TOX: variants seen among roughly 807,000 people sequenced by gnomAD.
TOX encodes thymocyte selection associated high mobility group box.
TOX carries 11 observed loss-of-function variants against 53.7 expected under a neutral mutation model. That is an observed-to-expected ratio of 0.20 (90% CI 0.13 to 0.34). The LOEUF is 0.34. Among genes scored for constraint, TOX ranks in the 10% least tolerant of loss-of-function variants. The pLI is 1.00. For missense variants in TOX, 570 were observed against 664.6 expected (o/e 0.86, Z 1.56); for synonymous variants, 225 against 245.3 (o/e 0.92, Z 0.77).
In TOX at chr8:58,898,724, C is replaced by T. The variant is rs1811688745; in HGVS notation, c.411+40578G>A. Among the ~76,000 whole-genome samples, 3 of 152,256 alleles carry T rather than the reference C, an allele frequency of 2.0e-5. No homozygotes were observed. The South Asian group carries it at 6.2e-4, about 32-fold the overall frequency. On this transcript the variant is annotated intron_variant, in intron 3 of 8. Transcript: ENST00000361421. ...TCAGATGAAGAGAGTTGCATGCTTC[C>T]TTTGCAATGGAAACTGTAGGGGTGA...
Position 58,998,531 on chromosome 8 carries a change from ATAT to A in TOX, c.103-38526_103-38524del, listed in dbSNP as rs1377616777. Among the ~76,000 whole-genome samples the A allele has an allele frequency of 9.2e-3, 211 of 22,824 alleles. 4 individuals carry two copies. The highest frequency in any genetic ancestry group is 0.015 in the Non-Finnish European group (187 of 12,466). The allele number at this position is 22,824 out of a possible 152,430, so 15.0% of individuals were successfully genotyped here. A position where few individuals can be genotyped will look rare whatever the true frequency, so the allele number is the denominator to read the frequency against. ...TATATATATATATATATATATATATATATATATAAATTTATATATAATAAATTT... is the reference window on the plus strand; with the variant it reads ...TATATATATATATATATATATATATAATATAAATTTATATATAATAAATTT... On this transcript the variant is annotated intron_variant, in intron 1 of 8. Coordinates refer to ENST00000361421, the MANE Select transcript of TOX (RefSeq NM_014729.3).
intron 1 of TOX, among the ~76,000 whole-genome samples, chr8:58,973,538 A>G (rs2129179892): frequency 6.6e-6 from 1 of 152,304 alleles, no homozygotes; most frequent in Non-Finnish European, 1.5e-5. Flanking sequence ...AGCCACTGAA[A>G]ACTGATTTTT....
At chr8:58,893,812 G>T (rs1811597861) in intron 3 of TOX, among the ~76,000 whole-genome samples, 1 of 152,202 alleles carries the variant, frequency 6.6e-6, no homozygotes, top group Non-Finnish European at 1.5e-5. Flanking sequence ...ACTGTTTAAG[G>T]TGAAACGTGA....
At chr8:58,871,418 T>G (rs1486928752) in intron 3 of TOX, among the ~76,000 whole-genome samples, 1 of 152,130 alleles carries the variant, frequency 6.6e-6, no homozygotes, top group Non-Finnish European at 1.5e-5. Flanking sequence ...AAAAGCTATT[T>G]AGGACATTGG....
At chr8:59,086,746 G>A (rs559403762) in intron 1 of TOX, among the ~76,000 whole-genome samples, 34 of 152,292 alleles carry the variant, frequency 2.2e-4, no homozygotes, top group South Asian at 6.2e-4. Flanking sequence ...TGATAGCTTC[G>A]TAATAAATAA....
chr8:58,948,717 T>C lies in TOX; in HGVS notation c.169-9173A>G, dbSNP rs545225454. Among the ~76,000 whole-genome samples the C allele has an allele frequency of 1.3e-3, 197 of 152,268 alleles. 1 individual carries two copies. Among genetic ancestry groups the C allele is most frequent in the African/African-American group, 4.4e-3 (184 of 41,566 alleles). ...TTATACATAATGCAATCTATTTTTT[T>C]TAGTCATCTAGACTTTTTCAATTCT... is the stretch of plus-strand genomic sequence containing the variant. On this transcript the variant is annotated intron_variant, in intron 2 of 8. Transcript: ENST00000361421.
At position 58,953,644 on chromosome 8, in the gene TOX, C is replaced by T. The variant is rs541178378; in HGVS notation, c.168+6299G>A. ...CTGAAGACTGGTTTGAGTAACTAGT[C>T]TGGGCTTGTTAAGATGCCAGACTTT... On this transcript the variant is annotated intron_variant, in intron 2 of 8. Transcript: ENST00000361421. Among the ~76,000 whole-genome samples the T allele has an allele frequency of 6.2e-4, 95 of 152,276 alleles. 1 individual carries two copies. The highest frequency in any genetic ancestry group is 8.1e-4 in the Non-Finnish European group (55 of 68,012).
intron 1 of TOX, among the ~76,000 whole-genome samples, chr8:59,091,086 C>T (rs776684474): frequency 6.6e-5 from 10 of 152,084 alleles, no homozygotes; most frequent in Non-Finnish European, 1.2e-4. Context: ...GGCTCTGTCT[C>T]CCTCAACTAT....
In TOX at chr8:58,955,768, T is replaced by G. The variant is rs114624340; in HGVS notation, c.168+4175A>C. 4.5e-3 allele frequency among the ~76,000 whole-genome samples: 670 copies of G among 150,506 alleles called. 2 individuals carry two copies. Among genetic ancestry groups the G allele is most frequent in the African/African-American group, 0.016 (648 of 40,762 alleles). ...TTTTTTTTTTGAGACAGAGTCTCCT[T>G]CTGTCACCTTGGCTGGAGTGCAGTG... On this transcript the variant is annotated intron_variant, in intron 2 of 8. Coordinates refer to ENST00000361421, the MANE Select transcript of TOX (RefSeq NM_014729.3).
chr8:58,823,287 A>G (rs899003764), intron 6 of TOX, among the ~76,000 whole-genome samples: 3 of 152,094 alleles, frequency 2.0e-5, no homozygotes, highest in African/African-American at 7.2e-5. Context: ...CAGGTGGTAC[A>G]ATCTTGGCTC....
intron 3 of TOX, among the ~76,000 whole-genome samples, chr8:58,879,488 C>T (rs1459905665): frequency 2.6e-5 from 4 of 151,890 alleles, no homozygotes; most frequent in Non-Finnish European, 5.9e-5. Flanking sequence ...AAGAAATCAC[C>T]TAATTTGTGA....
Position 58,982,678 on chromosome 8 carries a change from T to G in TOX, c.103-22670A>C, listed in dbSNP as rs77804773. On this transcript the variant is annotated intron_variant, in intron 1 of 8. Coordinates refer to ENST00000361421, the MANE Select transcript of TOX (RefSeq NM_014729.3). ...ATGGTCTTCTCACCTTTTGTCCAGATTGTTGCCATTATCATTTAACTGATC... is the reference window on the plus strand; with the variant it reads ...ATGGTCTTCTCACCTTTTGTCCAGAGTGTTGCCATTATCATTTAACTGATC... 5.3e-4 allele frequency among the ~76,000 whole-genome samples: 80 copies of G among 152,336 alleles called. 1 individual carries two copies. The highest frequency in any genetic ancestry group is 1.9e-3 in the African/African-American group (79 of 41,586).
intron 5 of TOX, among the ~76,000 whole-genome samples, chr8:58,831,393 C>T (rs915766478): frequency 8.5e-5 from 13 of 152,114 alleles, no homozygotes; most frequent in Admixed American, 2.6e-4. Flanking sequence ...TTAAAAATTA[C>T]GCCTCCATTG....
rs145417532 is a variant in TOX at position 58,820,259 on chromosome 8, T to C, written c.1006-4535A>G. On this transcript the variant is annotated intron_variant, in intron 6 of 8. Transcript: ENST00000361421. ...AGAACTTTCTTGACTTAATTCAATA[T>C]TGTCCTGTTCTGTACGTTAAAAAAA... is the stretch of plus-strand genomic sequence containing the variant. Among the ~76,000 whole-genome samples, 179 of 150,482 alleles carry C rather than the reference T, an allele frequency of 1.2e-3. 1 individual carries two copies. The highest frequency in any genetic ancestry group is 4.3e-3 in the African/African-American group (173 of 40,360).
chr8:59,040,484 T>A (rs1357831215), intron 1 of TOX, among the ~76,000 whole-genome samples: 3 of 152,194 alleles, frequency 2.0e-5, no homozygotes, highest in East Asian at 1.9e-4. Flanking sequence ...GGGCATTTTG[T>A]CAAGCTCAAC....
intron 7 of TOX, among the ~76,000 whole-genome samples, chr8:58,810,823 C>A (rs536052783): frequency 6.6e-6 from 1 of 152,034 alleles, no homozygotes; most frequent in Non-Finnish European, 1.5e-5. Context: ...CAACCCACCC[C>A]CTTTCGCTGC....
At chr8:59,088,871 A>T (rs1359836117) in intron 1 of TOX, among the ~76,000 whole-genome samples, 2 of 152,198 alleles carry the variant, frequency 1.3e-5, no homozygotes, top group Non-Finnish European at 2.9e-5. Context: ...GCAGGTACCT[A>T]TTAGCCACAA....
intron 1 of TOX, among the ~76,000 whole-genome samples, chr8:58,979,746 C>G (rs887378361): frequency 7.9e-5 from 12 of 152,178 alleles, no homozygotes; most frequent in African/African-American, 2.9e-4. Flanking sequence ...CTAAAAGCAG[C>G]AGCTTTGGAG....
At chr8:59,070,542 C>CACAG (rs987210976) in intron 1 of TOX, among the ~76,000 whole-genome samples, 1 of 150,130 alleles carries the variant, frequency 6.7e-6, no homozygotes, top group African/African-American at 2.5e-5. Context: ...CACACACACA[C>CACAG]ACACACAGGG....
Sources: allele counts gnomAD v4.1 joint callset (sites outside exome capture counted in the v4.1 genomes callset), GRCh38; gene constraint gnomAD v4.1.1; transcripts MANE v1.5; gene names NCBI Gene and HGNC (gene_info 2026-07-23, HGNC 2026-07-21).